The following USP22 variants were observed in gnomAD, a reference collection of about 807,000 sequenced individuals.
USP22 encodes ubiquitin specific peptidase 22.
In USP22, 22 loss-of-function variants were observed where a neutral mutation model predicts 68.1. The ratio of observed to expected loss-of-function variants is 0.32; its 90% CI spans 0.23 to 0.46. The LOEUF (loss-of-function observed/expected upper bound fraction) is 0.46. Ranked by LOEUF, USP22 falls within the 20% of genes least tolerant of loss-of-function variation. The pLI is 1.00. For synonymous variants in USP22, 279 were observed against 274.2 expected, an observed-to-expected ratio of 1.02 and a Z score of -0.17; for missense variants, 433 against 695.8, an observed-to-expected ratio of 0.62 and a Z score of 4.25.
At position 21,035,008 on chromosome 17, in the gene USP22, C is replaced by CT. The variant is rs148812448; in HGVS notation, c.172-6335dup. 4.4e-3 allele frequency among the ~76,000 whole-genome samples: 668 copies of CT among 152,216 alleles called. 7 individuals carry two copies. The highest frequency in any genetic ancestry group is 0.015 in the African/African-American group (633 of 41,524). On this transcript the variant is annotated intron_variant, in intron 1 of 12. Coordinates refer to ENST00000261497, the MANE Select transcript of USP22 (RefSeq NM_015276.2). ...TCCCTCAAGGATGGGGGTGAGTACTCTATTATCATAAACAGGAAATGAGGA... is the reference window on the plus strand; with the variant it reads ...TCCCTCAAGGATGGGGGTGAGTACTCTTATTATCATAAACAGGAAATGAGGA...
intron 9 of USP22, among the ~76,000 whole-genome samples, chr17:21,007,420 A>G (rs1353099163): frequency 6.6e-6 from 1 of 152,178 alleles, no homozygotes; most frequent in Non-Finnish European, 1.5e-5. Flanking sequence ...GGTGAAATGA[A>G]ACAAAGAACA....
Position 21,003,087 on chromosome 17 carries a change from G to A in USP22, c.1536-14C>T, listed in dbSNP as rs773537432. The A allele has an allele frequency of 6.2e-7, 1 of 1,613,858 alleles. No homozygotes were observed. Among genetic ancestry groups the A allele is most frequent in the South Asian group, 1.1e-5 (1 of 91,074 alleles). On this transcript the variant is annotated splice_polypyrimidine_tract_variant and intron_variant, in intron 12 of 12. Transcript: ENST00000261497. Reference sequence around the variant, plus strand: ...AACAGCAAGTACCTGTGGAGGCAGAGAGAGGGAGGAGGCTCACCTCTAACT... The same window carrying A: ...AACAGCAAGTACCTGTGGAGGCAGAAAGAGGGAGGAGGCTCACCTCTAACT...
chr17:21,008,421 T>C (rs1282262021), intron 8 of USP22, among the ~76,000 whole-genome samples: 1 of 152,096 alleles, frequency 6.6e-6, no homozygotes, highest in East Asian at 1.9e-4. Flanking sequence ...CCATGGAGTA[T>C]GAGACAGCAG....
rs540051713 is a variant in USP22, at chr17:21,037,370, A to G, written c.171+5295T>C. 8.2e-4 allele frequency among the ~76,000 whole-genome samples: 125 copies of G among 152,050 alleles called. 1 individual carries two copies. The highest frequency in any genetic ancestry group is 2.9e-3 in the African/African-American group (122 of 41,444). On this transcript the variant is annotated intron_variant, in intron 1 of 12. Transcript: ENST00000261497. ...CAGTACATAAAGGAGGGAAAGAGTC[A>G]CTCCACAGTGGAGAAACCTGGCAAA...
intron 2 of USP22, among the ~76,000 whole-genome samples, chr17:21,026,194 G>A (rs942963517): frequency 1.3e-5 from 2 of 152,210 alleles, no homozygotes; most frequent in African/African-American, 4.8e-5. Context: ...AGAGGCGGAG[G>A]TTGCAGTGAG....
chr17:21,008,661 C>A (rs550508531), intron 8 of USP22, among the ~76,000 whole-genome samples: 15 of 152,304 alleles, frequency 9.8e-5, no homozygotes, highest in Admixed American at 4.6e-4. Context: ...GCATGAATGT[C>A]TGAATCCTGG....
In USP22 at chr17:21,032,506, T is replaced by TGGAC. The variant is rs1972302621; in HGVS notation, c.172-3836_172-3833dup. 2.6e-5 allele frequency among the ~76,000 whole-genome samples: 4 copies of TGGAC among 152,236 alleles called. No individual in the cohort carries two copies. The South Asian group carries it at 8.3e-4, about 32-fold the overall frequency. On this transcript the variant is annotated intron_variant, in intron 1 of 12. Transcript: ENST00000261497. ...TGGCTACCCTGCAAACACTTTATTT[T>TGGAC]GGACGTCCAGTCTCATAATTTGAGA...
At chr17:21,035,739 A>G (rs1972345334) in intron 1 of USP22, among the ~76,000 whole-genome samples, 1 of 152,156 alleles carries the variant, frequency 6.6e-6, no homozygotes, top group Non-Finnish European at 1.5e-5. Context: ...AGAAAAAGGA[A>G]TGAACTTTCG....
intron 4 of USP22, 138 bp downstream of exon 4, chr17:21,018,946 G>T: frequency 1.2e-6 from 1 of 846,096 alleles, no homozygotes; most frequent in Non-Finnish European, 1.9e-6. Flanking sequence ...CTCAAGAGCT[G>T]GTTGCTGAGC....
chr17:21,041,587 G>C (rs937153554), intron 1 of USP22, among the ~76,000 whole-genome samples: 1 of 152,122 alleles, frequency 6.6e-6, no homozygotes, highest in Non-Finnish European at 1.5e-5. Flanking sequence ...TACAAAGCGA[G>C]ACTTCGTCTC....
chr17:21,024,676 A>C (rs953001271), intron 2 of USP22, among the ~76,000 whole-genome samples: 6 of 152,236 alleles, frequency 3.9e-5, no homozygotes, highest in Non-Finnish European at 8.8e-5. Context: ...AAAAGAAAAA[A>C]TAAAACCAGG....
chr17:21,040,100 A>C (rs1345744115), intron 1 of USP22, among the ~76,000 whole-genome samples: 1 of 152,188 alleles, frequency 6.6e-6, no homozygotes, highest in African/African-American at 2.4e-5. Context: ...GCTGGAGTCC[A>C]GGAATCTGAG....
intron 2 of USP22, 83 bp downstream of exon 2, chr17:21,028,459 A>T: frequency 6.4e-7 from 1 of 1,567,136 alleles, no homozygotes; most frequent in Non-Finnish European, 8.7e-7. Flanking sequence ...GGACTTTTGG[A>T]AGAGTGGAAC....
intron 3 of USP22, among the ~76,000 whole-genome samples, chr17:21,019,507 TCAGCAC>T (rs1489133917): frequency 6.6e-6 from 1 of 152,232 alleles, no homozygotes; most frequent in African/African-American, 2.4e-5. Flanking sequence ...GATGGCAGCA[TCAGCAC>T]CAATGGGAAC....
intron 8 of USP22, 80 bp from the exon 9 acceptor site, chr17:21,008,076 CTTTCA>C: frequency 6.7e-7 from 1 of 1,501,184 alleles, no homozygotes; most frequent in South Asian, 1.3e-5. Context: ...TATTTTATCT[CTTTCA>C]TTGGGTTGAT....
At chr17:21,033,907 C>T (rs1972323610) in intron 1 of USP22, among the ~76,000 whole-genome samples, 1 of 152,046 alleles carries the variant, frequency 6.6e-6, no homozygotes, top group Non-Finnish European at 1.5e-5. Context: ...TGCCACCATG[C>T]TCGGCTAACT....
intron 5 of USP22, among the ~76,000 whole-genome samples, chr17:21,017,444 G>A (rs1054358273): frequency 7.9e-5 from 12 of 152,372 alleles, no homozygotes; most frequent in Admixed American, 3.9e-4. Flanking sequence ...CTCTGATGCC[G>A]GGGACAGAAG....
chr17:21,026,280 A>C lies in USP22; in HGVS notation c.304+2262T>G, dbSNP rs1046367808. ...GTCCATAAGAAAACAGCTGGATCAT[A>C]AACACATCATAGAAGATACAGGTAT... On this transcript the variant is annotated intron_variant, in intron 2 of 12. Coordinates refer to ENST00000261497, the MANE Select transcript of USP22 (RefSeq NM_015276.2). Among the ~76,000 whole-genome samples, 27 of 152,218 alleles carry C rather than the reference A, an allele frequency of 1.8e-4. 1 individual carries two copies. Among genetic ancestry groups the C allele is most frequent in the African/African-American group, 6.5e-4 (27 of 41,464 alleles).
chr17:21,043,242 T>C (rs1359809970), upstream of USP22: 1 of 134,610 alleles, frequency 7.4e-6, no homozygotes. Context: ...GGAAGCGTGG[T>C]AGGGGGGGGA....
Sources: allele counts gnomAD v4.1 joint callset (sites outside exome capture counted in the v4.1 genomes callset), GRCh38; gene constraint gnomAD v4.1.1; transcripts MANE v1.5; gene names NCBI Gene and HGNC (gene_info 2026-07-23, HGNC 2026-07-21).